Variants in KMT2A observed in about 807,000 individuals in gnomAD.
The protein encoded by KMT2A is lysine methyltransferase 2A.
In KMT2A, 16 loss-of-function variants were observed where a neutral mutation model predicts 345.3. The ratio of observed to expected loss-of-function variants is 0.05; its 90% CI spans 0.03 to 0.07. The LOEUF is 0.07. Ranked by LOEUF, KMT2A falls within the 10% of genes least tolerant of loss-of-function variation. KMT2A has a pLI of 1.00. For synonymous variants in KMT2A, 1,599 were observed against 1,778.6 expected (o/e 0.90, Z 2.54); for missense variants, 3,272 against 4,841.6 (o/e 0.68, Z 9.62).
intron 1 of KMT2A, among the ~76,000 whole-genome samples, chr11:118,462,246 G>A (rs1386465278): frequency 6.6e-6 from 1 of 151,940 alleles, no homozygotes; most frequent in African/African-American, 2.4e-5. Context: ...GAACCACCAT[G>A]CCCGGCTGCA....
chr11:118,514,484 A>G (rs1950763762), intron 31 of KMT2A, among the ~76,000 whole-genome samples: 2 of 150,534 alleles, frequency 1.3e-5, no homozygotes, highest in Admixed American at 6.6e-5. Context: ...TCTGTCACCC[A>G]GGCTGGAGTG....
chr11:118,525,933 T>G lies in KMT2A; in HGVS notation c.*3761T>G, dbSNP rs1465876268. The G allele has an allele frequency of 8.9e-6, 2 of 224,360 alleles. No individual in the cohort carries two copies. Among genetic ancestry groups the G allele is most frequent in the Non-Finnish European group, 1.8e-5 (2 of 112,586 alleles). 13.9% of individuals were successfully genotyped at this position (224,360 alleles called of 1,614,324 possible). On this transcript the variant is annotated 3_prime_UTR_variant, in exon 36 of 36. Coordinates refer to ENST00000534358, the MANE Select transcript of KMT2A (RefSeq NM_001197104.2). The stretch of plus-strand genomic sequence containing the variant: ...CATGAATACTAGTCAAGTCACACAC[T>G]CTGGAAACTTGCAACTTTTTGTTTG...
Position 118,476,805 on chromosome 11 carries a change from G to A in KMT2A, c.3157G>A (p.Gly1053Ser), listed in dbSNP as rs145549283. ...LKQTDQPKAQ[G>S]QESDSSETSV... is the part of the protein sequence containing the mutation. ...TGTTTTTGGATTGCCTCATATTCAG[G>A]GTCAAGAAAGTGACTCATCAGAGAC... Residue 1053 changes from glycine to serine, a missense_variant and splice_region_variant, in exon 4 of 36, where the codon GGT becomes AGT. By Grantham distance (56) the Gly-to-Ser change is moderately conservative. Around this residue, in one of 27 missense-constraint regions of KMT2A, gnomAD observed 29 missense variants for 27.1 expected, o/e 1.07. Coordinates refer to ENST00000534358, the MANE Select transcript of KMT2A (RefSeq NM_001197104.2). The surrounding 1 kb of genome is among the most constrained non-coding windows in gnomAD (Gnocchi z 4.1). The A allele has an allele frequency of 1.9e-6, 3 of 1,601,504 alleles. No individual in the cohort carries two copies. Among genetic ancestry groups the A allele is most frequent in the African/African-American group, 2.7e-5 (2 of 74,702 alleles).
intron 1 of KMT2A, among the ~76,000 whole-genome samples, chr11:118,442,155 A>G (rs74422681): frequency 0.046 from 6,980 of 152,236 alleles, 232 homozygotes; most frequent in South Asian, 0.074. Context: ...AAGGCCTTCA[A>G]TCGGGCCTTT....
rs1390818522 is a variant in KMT2A, at chr11:118,504,679, G to A, written c.8787G>A (p.Glu2929=). 4 of 1,614,168 alleles carry A rather than the reference G, an allele frequency of 2.5e-6. No homozygotes were observed. Among genetic ancestry groups the A allele is most frequent in the Non-Finnish European group, 3.4e-6 (4 of 1,180,036 alleles). ...SAEEQFELPL[E]LPSDLSVLTT... ...AGGAACAGTTTGAGTTGCCTCTAGA[G>A]CTACCATCTGATCTGTCTGTCTTGA... is the stretch of plus-strand genomic sequence containing the variant. Residue 2929 remains glutamate (E), a synonymous_variant, in exon 27 of 36, where the codon GAG becomes GAA. Coordinates refer to ENST00000534358, the MANE Select transcript of KMT2A (RefSeq NM_001197104.2). The surrounding 1 kb of genome is among the most constrained non-coding windows in gnomAD (Gnocchi z 6.4).
Position 118,525,673 on chromosome 11 carries a change from G to A in KMT2A, c.*3501G>A, listed in dbSNP as rs1387602511. The stretch of plus-strand genomic sequence containing the variant: ...AAATAAAAAAAATATTCTAATGAAT[G>A]TATCTTTCTAAAGGACTGACGTTCA... On this transcript the variant is annotated 3_prime_UTR_variant, in exon 36 of 36. Coordinates refer to ENST00000534358, the MANE Select transcript of KMT2A (RefSeq NM_001197104.2). 2 of 227,382 alleles carry A rather than the reference G, an allele frequency of 8.8e-6. No homozygotes were observed. Among genetic ancestry groups the A allele is most frequent in the Admixed American group, 5.7e-5 (1 of 17,488 alleles). The allele number at this position is 227,382 out of a possible 1,614,324, so 14.1% of individuals were successfully genotyped here.
chr11:118,509,376 G>C (rs1555049482), intron 29 of KMT2A, among the ~76,000 whole-genome samples, 176 bp downstream of exon 29: 1 of 152,068 alleles, frequency 6.6e-6, no homozygotes, highest in South Asian at 2.1e-4. Context: ...TCTCGGTGCA[G>C]TGTTCTTCCA....
chr11:118,520,533 C>G lies in KMT2A; in HGVS notation c.11430-269C>G. The G allele has an allele frequency of 2.2e-6, 1 of 452,724 alleles. No homozygotes were observed. Among genetic ancestry groups the G allele is most frequent in the Non-Finnish European group, 4.0e-6 (1 of 250,690 alleles). 28.0% of individuals were successfully genotyped at this position (452,724 alleles called of 1,614,324 possible). ...CGGCGTGGTGGCGCGCGCCTGTAGT[C>G]CCACCTACTCAGCAGGCTGAGGCAA... is the stretch of plus-strand genomic sequence containing the variant. On this transcript the variant is annotated intron_variant, in intron 33 of 35. Coordinates refer to ENST00000534358, the MANE Select transcript of KMT2A (RefSeq NM_001197104.2). This position sits in a 1 kb window ranked among gnomAD's most constrained non-coding sequence, Gnocchi z 4.3.
At position 118,472,710 on chromosome 11, in the gene KMT2A, G is replaced by T. The variant is rs1429292520; in HGVS notation, c.1551G>T (p.Gln517His). 1 of 1,613,290 alleles carries T rather than the reference G, an allele frequency of 6.2e-7. No individual in the cohort carries two copies. Among genetic ancestry groups the T allele is most frequent in the Non-Finnish European group, 8.5e-7 (1 of 1,179,938 alleles). Residue 517 changes from glutamine (Q) to histidine (H), a missense_variant, in exon 3 of 36, where the codon CAG (glutamine) becomes CAT (histidine). This residue lies in a region of KMT2A where 180 missense variants were observed against 190.7 expected (regional missense o/e 0.94). Coordinates refer to ENST00000534358, the MANE Select transcript of KMT2A (RefSeq NM_001197104.2). ...TTCATCCTCCACTGCCCATTTCCCAGTCCCCAGAAAATGAGAGTAATGATA... is the reference window on the plus strand; with the variant it reads ...TTCATCCTCCACTGCCCATTTCCCATTCCCCAGAAAATGAGAGTAATGATA... ...PEVHPPLPIS[Q>H]SPENESNDRR...
rs1591313343 is a variant in KMT2A at position 118,522,650 on chromosome 11, A to C, written c.*478A>C. On this transcript the variant is annotated 3_prime_UTR_variant, in exon 36 of 36. Transcript: ENST00000534358. The surrounding 1 kb of genome is among the most constrained non-coding windows in gnomAD (Gnocchi z 5.4). The stretch of plus-strand genomic sequence containing the variant: ...CAGGCCCCACCTACAGCGTCTGTCG[A>C]ACAAACAGAGGTCTGGTGGTTTTCC... 5 of 225,548 alleles carry C rather than the reference A, an allele frequency of 2.2e-5. No homozygotes were observed. The East Asian group carries it at 3.3e-4, about 15-fold the overall frequency. The allele number at this position is 225,548 out of a possible 1,614,324, so 14.0% of individuals were successfully genotyped here.
In KMT2A at chr11:118,436,875, C is replaced by T; in HGVS notation, c.363C>T (p.Ala121=). The T allele has an allele frequency of 6.3e-7, 1 of 1,593,208 alleles. No homozygotes were observed. Among genetic ancestry groups the T allele is most frequent in the Non-Finnish European group, 8.5e-7 (1 of 1,170,466 alleles). ...ACGCGGCGCTGCAGGTCTCGGCCGC[C>T]ATCGGCACCAACCTGCGCCGGTTCC... ...GFDAALQVSA[A]IGTNLRRFRA... is the part of the protein sequence containing the mutation. Residue 121 remains alanine (A), a synonymous_variant, in exon 1 of 36, where the codon GCC becomes GCT. Transcript: ENST00000534358. The surrounding 1 kb of genome is among the most constrained non-coding windows in gnomAD (Gnocchi z 6.9).
intron 8 of KMT2A, among the ~76,000 whole-genome samples, chr11:118,483,054 G>A (rs1484340197): frequency 1.3e-5 from 2 of 151,952 alleles, no homozygotes; most frequent in Non-Finnish European, 2.9e-5. Context: ...CCAACATGGT[G>A]AAACCCTGTC....
intron 1 of KMT2A, chr11:118,450,251 C>T (rs1949507978): frequency 1.3e-5 from 2 of 151,920 alleles, no homozygotes; most frequent in African/African-American, 4.8e-5. Flanking sequence ...TAATTTGGGA[C>T]ATTGCCAGGA....
Position 118,499,336 on chromosome 11 carries a change from A to G in KMT2A, c.5995A>G (p.Arg1999Gly). 1 of 1,613,788 alleles carries G rather than the reference A, an allele frequency of 6.2e-7. No homozygotes were observed. Among genetic ancestry groups the G allele is most frequent in the Non-Finnish European group, 8.5e-7 (1 of 1,179,812 alleles). The change falls in exon 23 of 36, where the codon AGA becomes GGA. Residue 1999 changes from arginine (R) to glycine (G), a missense_variant. Physicochemically the swap from Arg to Gly is moderately radical, Grantham distance 125 (BLOSUM62 -2). Coordinates refer to ENST00000534358, the MANE Select transcript of KMT2A (RefSeq NM_001197104.2). ...VPENGFEVFRRVFVDFEGISL... is the reference protein window; with the variant it reads ...VPENGFEVFRGVFVDFEGISL... ...TGAGAATGGATTTGAAGTTTTCAGA[A>G]GAGTGTTTGTGGACTTTGAAGGAAT... is the stretch of plus-strand genomic sequence containing the variant.
In KMT2A at chr11:118,436,502, A is replaced by G; in HGVS notation, c.-11A>G. 8.0e-7 allele frequency: 1 copy of G among 1,246,790 alleles called. No individual in the cohort carries two copies. The highest frequency in any genetic ancestry group is 1.0e-6 in the Non-Finnish European group (1 of 983,522). The allele number at this position is 1,246,790 out of a possible 1,614,324, so 77.2% of individuals were successfully genotyped here. ...CCTCTCCCTCTCGCTGCTTCACTTCACGGGGCGAACATGGCGCACAGCTGT... is the reference window on the plus strand; with the variant it reads ...CCTCTCCCTCTCGCTGCTTCACTTCGCGGGGCGAACATGGCGCACAGCTGT... On this transcript the variant is annotated 5_prime_UTR_variant, in exon 1 of 36. Transcript: ENST00000534358. This position sits in a 1 kb window ranked among gnomAD's most constrained non-coding sequence, Gnocchi z 6.9.
chr11:118,501,589 C>A, intron 25 of KMT2A, 83 bp from the exon 26 acceptor site: 1 of 1,197,212 alleles, frequency 8.4e-7, no homozygotes, highest in Non-Finnish European at 1.2e-6. Flanking sequence ...TTACATTTAC[C>A]TGATAGCTGA....
chr11:118,506,734 A>C, intron 27 of KMT2A, 88 bp downstream of exon 27: 2 of 1,350,014 alleles, frequency 1.5e-6, no homozygotes, highest in South Asian at 1.5e-5. Flanking sequence ...CGGGAGAGAC[A>C]CTCTTCTGTT....
Position 118,521,202 on chromosome 11 carries a change from C to A in KMT2A, c.11514-86C>A. ...GTATATGTCCCTCCTGGGGAACTAA[C>A]AGACCAGGAGAACTTATTCATGTAT... is the stretch of plus-strand genomic sequence containing the variant. On this transcript the variant is annotated intron_variant, in intron 34 of 35. Coordinates refer to ENST00000534358, the MANE Select transcript of KMT2A (RefSeq NM_001197104.2). This position sits in a 1 kb window ranked among gnomAD's most constrained non-coding sequence, Gnocchi z 5.3. 1 of 1,436,884 alleles carries A rather than the reference C, an allele frequency of 7.0e-7. No individual in the cohort carries two copies. The highest frequency in any genetic ancestry group is 9.6e-7 in the Non-Finnish European group (1 of 1,040,510). 89.0% of individuals were successfully genotyped at this position (1,436,884 alleles called of 1,614,324 possible).
chr11:118,503,632 T>C lies in KMT2A; in HGVS notation c.7740T>C (p.Asn2580=). ...CAGTGGCCCAACCAAGCCCCAATAA[T>C]ACCTCATGCCAGGATTCTCAAAGTA... ...DGPVAQPSPN[N]TSCQDSQSNN... Residue 2580 remains asparagine (N), a synonymous_variant, in exon 27 of 36, where the codon AAT becomes AAC. Coordinates refer to ENST00000534358, the MANE Select transcript of KMT2A (RefSeq NM_001197104.2). The surrounding 1 kb of genome is among the most constrained non-coding windows in gnomAD (Gnocchi z 5.3). 6.2e-7 allele frequency: 1 copy of C among 1,614,178 alleles called. No individual in the cohort carries two copies. Among genetic ancestry groups the C allele is most frequent in the East Asian group, 2.2e-5 (1 of 44,884 alleles).
Sources: allele counts gnomAD v4.1 joint callset (sites outside exome capture counted in the v4.1 genomes callset), GRCh38; gene constraint gnomAD v4.1.1; regional missense constraint gnomAD v4.1.1; non-coding constraint Gnocchi (gnomAD v3.1); transcripts MANE v1.5; gene names NCBI Gene and HGNC (gene_info 2026-07-23, HGNC 2026-07-21).